BBS9: variants seen among roughly 807,000 people sequenced by gnomAD.
BBS9 encodes the protein protein PTHB1.
A neutral mutation model predicts 117.7 loss-of-function variants in BBS9; 89 were observed. The ratio of observed to expected loss-of-function variants is 0.76; its 90% CI spans 0.64 to 0.90. The LOEUF is 0.90. BBS9 is among the 40% of genes least tolerant of loss of function. The pLI is 0.00. For missense variants in BBS9, 982 were observed against 1,042.2 expected, an observed-to-expected ratio of 0.94 and a Z score of 0.80; for synonymous variants, 379 against 370.9, an observed-to-expected ratio of 1.02 and a Z score of -0.25.
chr7:33,371,431 G>T (rs965145268), intron 17 of BBS9, among the ~76,000 whole-genome samples: 2 of 152,084 alleles, frequency 1.3e-5, no homozygotes, highest in African/African-American at 4.8e-5. Flanking sequence ...CAGTAACTCA[G>T]AATTGAGATG....
intron 21 of BBS9, among the ~76,000 whole-genome samples, chr7:33,598,088 T>C (rs1863162863): frequency 6.6e-6 from 1 of 152,052 alleles, no homozygotes; most frequent in Admixed American, 6.6e-5. Context: ...TGAACTCCAC[T>C]GTTCAAGACT....
At chr7:33,620,494 C>A (rs1196131696) in intron 21 of BBS9, among the ~76,000 whole-genome samples, 1 of 151,654 alleles carries the variant, frequency 6.6e-6, no homozygotes, top group Non-Finnish European at 1.5e-5. Flanking sequence ...CAAGAAAAAT[C>A]CCATTTGCAA....
intron 21 of BBS9, among the ~76,000 whole-genome samples, chr7:33,633,170 T>C (rs1865974606): frequency 6.6e-6 from 1 of 152,222 alleles, no homozygotes; most frequent in East Asian, 1.9e-4. Context: ...ACAACATTCC[T>C]TTCTTTACAC....
chr7:33,391,424 A>C (rs1827056690), intron 19 of BBS9, among the ~76,000 whole-genome samples: 1 of 152,148 alleles, frequency 6.6e-6, no homozygotes, highest in Non-Finnish European at 1.5e-5. Flanking sequence ...ACACACATGC[A>C]CACATACACC....
At chr7:33,234,292 C>A (rs764782358) in intron 5 of BBS9, among the ~76,000 whole-genome samples, 2 of 151,974 alleles carry the variant, frequency 1.3e-5, no homozygotes, top group Non-Finnish European at 2.9e-5. Flanking sequence ...GGAATGTATT[C>A]TCTGTGGATA....
chr7:33,420,771 G>T (rs919126404), intron 19 of BBS9, among the ~76,000 whole-genome samples: 2 of 152,160 alleles, frequency 1.3e-5, no homozygotes, highest in Non-Finnish European at 2.9e-5. Flanking sequence ...TTTCCAGGCA[G>T]ACAGGCCAAA....
At chr7:33,193,591 T>G (rs530854185) in intron 5 of BBS9, among the ~76,000 whole-genome samples, 1 of 152,254 alleles carries the variant, frequency 6.6e-6, no homozygotes, top group East Asian at 1.9e-4. Context: ...GAGAGGAGTT[T>G]GTTTTCCTTC....
chr7:33,442,758 C>G (rs1388949894), intron 19 of BBS9, among the ~76,000 whole-genome samples: 2 of 152,086 alleles, frequency 1.3e-5, no homozygotes, highest in Non-Finnish European at 2.9e-5. Context: ...ATAATGTGAT[C>G]ACCTTTTTTT....
Position 33,522,278 on chromosome 7 carries a change from G to A in BBS9, c.2299-11676G>A, listed in dbSNP as rs1848740661. 2.0e-5 allele frequency among the ~76,000 whole-genome samples: 3 copies of A among 152,064 alleles called. No homozygotes were observed. The South Asian group carries it at 6.2e-4, about 32-fold the overall frequency. On this transcript the variant is annotated intron_variant, in intron 20 of 22. Transcript: ENST00000242067. ...TATATACCCAGTAATCGGATTGTTG[G>A]GTCAAATGGTATTTCTAGTTCTAGA...
chr7:33,249,226 GACACAC>G (rs143505945), intron 5 of BBS9, among the ~76,000 whole-genome samples: 45 of 148,420 alleles, frequency 3.0e-4, no homozygotes, highest in African/African-American at 1.1e-3. Context: ...TGGGCATGGG[GACACAC>G]ACACACACAC....
intron 9 of BBS9, among the ~76,000 whole-genome samples, chr7:33,313,887 G>T (rs1809869066): frequency 6.6e-6 from 1 of 152,106 alleles, no homozygotes; most frequent in South Asian, 2.1e-4. Flanking sequence ...AAGTCAGCAT[G>T]GCATAGAGAG....
chr7:33,149,300 C>T (rs1030824996), intron 2 of BBS9, among the ~76,000 whole-genome samples: 2 of 152,074 alleles, frequency 1.3e-5, no homozygotes, highest in East Asian at 3.9e-4. Flanking sequence ...AGAATGTATA[C>T]CGATGTAGAG....
chr7:33,411,259 G>A (rs1831095227), intron 19 of BBS9, among the ~76,000 whole-genome samples: 1 of 152,028 alleles, frequency 6.6e-6, no homozygotes, highest in East Asian at 1.9e-4. Context: ...AATCCCTGAA[G>A]TATCCCACAT....
intron 21 of BBS9, among the ~76,000 whole-genome samples, chr7:33,599,031 T>A (rs922931872): frequency 6.6e-6 from 1 of 152,182 alleles, no homozygotes; most frequent in Non-Finnish European, 1.5e-5. Context: ...AATGGAATAG[T>A]GGTACCAGAG....
chr7:33,505,814 G>C, intron 20 of BBS9, 169 bp downstream of exon 20: 1 of 716,158 alleles, frequency 1.4e-6, no homozygotes, highest in Non-Finnish European at 2.3e-6. Context: ...TCAAACAAAG[G>C]CCTTTTTCTG....
At chr7:33,610,528 A>T (rs1039875276), downstream of BBS9, among the ~76,000 whole-genome samples, 8 of 152,154 alleles carry the variant, frequency 5.3e-5, no homozygotes, top group Non-Finnish European at 1.2e-4. Context: ...AGAAAGAGGG[A>T]GTAGGGGGCA....
intron 9 of BBS9, among the ~76,000 whole-genome samples, chr7:33,284,954 A>C (rs1802608528): frequency 6.6e-6 from 1 of 152,170 alleles, no homozygotes; most frequent in East Asian, 1.9e-4. Flanking sequence ...CCCATGAGGC[A>C]CTAGTACCAA....
chr7:33,543,468 C>G (rs1852746182), intron 21 of BBS9, among the ~76,000 whole-genome samples: 1 of 152,150 alleles, frequency 6.6e-6, no homozygotes, highest in African/African-American at 2.4e-5. Context: ...TTAATTAGAT[C>G]CCAGCTAATT....
chr7:33,464,450 T>G (rs1839893073), intron 19 of BBS9, among the ~76,000 whole-genome samples: 1 of 152,100 alleles, frequency 6.6e-6, no homozygotes, highest in South Asian at 2.1e-4. Flanking sequence ...ACTGGAAAAC[T>G]TCTTTACAAT....
Sources: allele counts gnomAD v4.1 joint callset (sites outside exome capture counted in the v4.1 genomes callset), GRCh38; gene constraint gnomAD v4.1.1; transcripts MANE v1.5; gene names NCBI Gene and HGNC (gene_info 2026-07-23, HGNC 2026-07-21).